The following CAMSAP2 variants were observed in gnomAD, a reference collection of about 807,000 sequenced individuals.
The protein encoded by CAMSAP2 is calmodulin-regulated spectrin-associated protein 2.
In CAMSAP2, 26 loss-of-function variants were observed where a neutral mutation model predicts 146.1. The ratio of observed to expected loss-of-function variants is 0.18; its 90% CI spans 0.13 to 0.25. The LOEUF is 0.25. Ranked by LOEUF, CAMSAP2 falls within the 10% of genes least tolerant of loss-of-function variation. The probability of loss-of-function intolerance (pLI) is 1.00; values close to 1 mark genes in which losing one functional copy is unlikely to be tolerated. For missense variants in CAMSAP2, 1,381 were observed against 1,759.3 expected, an observed-to-expected ratio of 0.78 and a Z score of 3.85; for synonymous variants, 499 against 596.6, an observed-to-expected ratio of 0.84 and a Z score of 2.38.
At position 200,740,735 on chromosome 1, in the gene CAMSAP2, G is replaced by A. The variant is rs149570641; in HGVS notation, c.139+769G>A. On this transcript the variant is annotated intron_variant, in intron 1 of 16. Transcript: ENST00000358823. ...ACAGAAATTGTATAGTACAGTAGCA[G>A]TTAAACACTCCCTCCATAACCCAGT... is the stretch of plus-strand genomic sequence containing the variant. Among the ~76,000 whole-genome samples the A allele has an allele frequency of 1.3e-3, 191 of 152,256 alleles. 1 individual carries two copies. The highest frequency in any genetic ancestry group is 4.4e-3 in the African/African-American group (181 of 41,556).
At position 200,750,983 on chromosome 1, in the gene CAMSAP2, A is replaced by G. The variant is rs753111200; in HGVS notation, c.140-9856A>G. Among the ~76,000 whole-genome samples, 28 of 146,336 alleles carry G rather than the reference A, an allele frequency of 1.9e-4. 1 individual carries two copies. Among genetic ancestry groups the G allele is most frequent in the Non-Finnish European group, 3.4e-4 (23 of 67,306 alleles). On this transcript the variant is annotated intron_variant, in intron 1 of 16. Transcript: ENST00000358823. The stretch of plus-strand genomic sequence containing the variant: ...AGTGGCACGATCTCGGCTCACTGCA[A>G]TCTCCAACTCCCGGGTTCAAGGGAT...
intron 2 of CAMSAP2, among the ~76,000 whole-genome samples, chr1:200,802,593 T>A (rs888935646): frequency 3.9e-5 from 6 of 152,214 alleles, no homozygotes; most frequent in Non-Finnish European, 5.9e-5. Flanking sequence ...AAGTATTTAT[T>A]TCCTCTTAAA....
intron 2 of CAMSAP2, among the ~76,000 whole-genome samples, chr1:200,779,247 C>T (rs1665368289): frequency 6.6e-6 from 1 of 152,194 alleles, no homozygotes; most frequent in African/African-American, 2.4e-5. Context: ...GACCTCCCCA[C>T]ACCAAAGGGT....
At chr1:200,804,396 G>A (rs554323489) in intron 2 of CAMSAP2, among the ~76,000 whole-genome samples, 231 of 151,612 alleles carry the variant, frequency 1.5e-3, no homozygotes, top group African/African-American at 5.0e-3. Context: ...ACTCATTTTG[G>A]TTGGATATTG....
At chr1:200,840,810 A>G (rs1667306268) in intron 6 of CAMSAP2, among the ~76,000 whole-genome samples, 1 of 152,210 alleles carries the variant, frequency 6.6e-6, no homozygotes, top group Non-Finnish European at 1.5e-5. Context: ...ACATTAATAA[A>G]TTTGATAGTA....
intron 2 of CAMSAP2, among the ~76,000 whole-genome samples, chr1:200,806,315 A>G (rs115704099): frequency 0.024 from 3,643 of 152,320 alleles, 72 homozygotes; most frequent in Non-Finnish European, 0.032. Context: ...TAAAGCACAT[A>G]AAAGGATGCT....
chr1:200,853,268 T>C lies in CAMSAP2; in HGVS notation c.3603-7T>C, dbSNP rs763756042. ...AGAATAAGAACTGTAACCATTTGAT[T>C]TCTTAGGCGTAAAACTGAGGAAGAA... is the stretch of plus-strand genomic sequence containing the variant. On this transcript the variant is annotated splice_region_variant and splice_polypyrimidine_tract_variant and intron_variant, in intron 12 of 16. Coordinates refer to ENST00000358823, the MANE Select transcript of CAMSAP2 (RefSeq NM_203459.4). This position sits in a 1 kb window ranked among gnomAD's most constrained non-coding sequence, Gnocchi z 5.1. 6.2e-7 allele frequency: 1 copy of C among 1,611,628 alleles called. No individual in the cohort carries two copies. Among genetic ancestry groups the C allele is most frequent in the South Asian group, 1.1e-5 (1 of 90,988 alleles).
At chr1:200,822,616 G>A (rs776805725) in intron 4 of CAMSAP2, among the ~76,000 whole-genome samples, 25 of 152,118 alleles carry the variant, frequency 1.6e-4, no homozygotes, top group Non-Finnish European at 2.8e-4. Context: ...TTGATCAGTT[G>A]GTTAAGATAT....
rs748756118 is a variant in CAMSAP2 at position 200,857,809 on chromosome 1, G to A, written c.4187G>A (p.Cys1396Tyr). The A allele has an allele frequency of 2.0e-5, 32 of 1,611,948 alleles. No homozygotes were observed. Among genetic ancestry groups the A allele is most frequent in the Non-Finnish European group, 2.6e-5 (31 of 1,179,398 alleles). Reference sequence around the variant, plus strand: ...TTAATCTTGTTCCGGGATTCAGGATGCCAGTTCAGATCTTTATACACTTAT... The same window carrying A: ...TTAATCTTGTTCCGGGATTCAGGATACCAGTTCAGATCTTTATACACTTAT... ...NFLILFRDSGCQFRSLYTYCP... is the reference protein window; with the variant it reads ...NFLILFRDSGYQFRSLYTYCP... The change falls in exon 17 of 17, where the codon TGC becomes TAC. Residue 1396 changes from cysteine (C) to tyrosine (Y), a missense_variant. Around this residue, in one of 4 missense-constraint regions of CAMSAP2, gnomAD observed 90 missense variants for 174.4 expected, o/e 0.52. Transcript: ENST00000358823. The surrounding 1 kb of genome is among the most constrained non-coding windows in gnomAD (Gnocchi z 4.7).
chr1:200,785,970 G>A (rs543002418), intron 2 of CAMSAP2, among the ~76,000 whole-genome samples: 6 of 152,360 alleles, frequency 3.9e-5, no homozygotes, highest in African/African-American at 7.2e-5. Context: ...GATTACAGGC[G>A]TGAGCCACGG....
chr1:200,802,463 A>G (rs1160309846), intron 2 of CAMSAP2, among the ~76,000 whole-genome samples: 1 of 152,212 alleles, frequency 6.6e-6, no homozygotes, highest in East Asian at 1.9e-4. Context: ...TATATAGATA[A>G]ATGATATGTA....
intron 1 of CAMSAP2, among the ~76,000 whole-genome samples, chr1:200,755,605 T>A (rs1372763378): frequency 6.6e-6 from 1 of 152,150 alleles, no homozygotes; most frequent in East Asian, 1.9e-4. Context: ...CCATGTTAGG[T>A]AATAATGTAG....
chr1:200,858,034 A>G lies in CAMSAP2; in HGVS notation c.4412A>G (p.Lys1471Arg). ...CAGACCAAAAGACCAGTAACACCCA[A>G]AAAACTTTTACCCACTAAGGCATAG... ...LWQTKRPVTP[K>R]KLLPTKA The change falls in exon 17 of 17, where the codon AAA becomes AGA. Residue 1471 changes from lysine (K) to arginine (R), a missense_variant. By Grantham distance (26) the Lys-to-Arg change is conservative. This residue lies in a region of CAMSAP2 where 90 missense variants were observed against 174.4 expected (regional missense o/e 0.52). Transcript: ENST00000358823. 6.3e-7 allele frequency: 1 copy of G among 1,595,406 alleles called. No homozygotes were observed. Among genetic ancestry groups the G allele is most frequent in the Non-Finnish European group, 8.5e-7 (1 of 1,173,082 alleles).
intron 1 of CAMSAP2, among the ~76,000 whole-genome samples, chr1:200,747,301 GA>G (rs1316175830): frequency 2.0e-5 from 3 of 152,186 alleles, no homozygotes; most frequent in Non-Finnish European, 4.4e-5. Flanking sequence ...AAAACCAAGG[GA>G]ATGTGGAGGC....
chr1:200,760,176 T>A (rs1323195637), intron 1 of CAMSAP2, among the ~76,000 whole-genome samples: 1 of 152,166 alleles, frequency 6.6e-6, no homozygotes, highest in African/African-American at 2.4e-5. Flanking sequence ...CCAGGAAGTC[T>A]TTTTCAGGTA....
intron 2 of CAMSAP2, among the ~76,000 whole-genome samples, chr1:200,789,492 C>T (rs762431688): frequency 2.8e-4 from 42 of 151,880 alleles, no homozygotes; most frequent in Non-Finnish European, 2.1e-4. Context: ...TGACTTTGTT[C>T]GTGTGCTCTA....
At chr1:200,816,421 C>G (rs1420806341) in intron 4 of CAMSAP2, among the ~76,000 whole-genome samples, 1 of 151,054 alleles carries the variant, frequency 6.6e-6, no homozygotes, top group East Asian at 2.0e-4. Flanking sequence ...AGTAAAACCC[C>G]GTCTCTACTA....
At chr1:200,773,449 G>A (rs67214245) in intron 2 of CAMSAP2, among the ~76,000 whole-genome samples, 19,530 of 151,852 alleles carry the variant, frequency 0.13, 1,290 homozygotes, top group East Asian at 0.17. Context: ...TAGAGACGGC[G>A]TTTCGCCATG....
intron 2 of CAMSAP2, among the ~76,000 whole-genome samples, chr1:200,794,669 G>A (rs1380622063): frequency 6.6e-6 from 1 of 152,208 alleles, no homozygotes; most frequent in Non-Finnish European, 1.5e-5. Flanking sequence ...TCTTGGCTAG[G>A]GTCAAGTTGT....
Sources: allele counts gnomAD v4.1 joint callset (sites outside exome capture counted in the v4.1 genomes callset), GRCh38; gene constraint gnomAD v4.1.1; regional missense constraint gnomAD v4.1.1; non-coding constraint Gnocchi (gnomAD v3.1); transcripts MANE v1.5; gene names NCBI Gene and HGNC (gene_info 2026-07-23, HGNC 2026-07-21).